Variants in HSD17B12 observed in about 807,000 individuals in gnomAD.
HSD17B12 encodes very-long-chain 3-oxoacyl-CoA reductase.
HSD17B12 carries 32 observed loss-of-function variants against 39.3 expected under a neutral mutation model. The ratio of observed to expected loss-of-function variants is 0.81; its 90% CI spans 0.61 to 1.09. The LOEUF (loss-of-function observed/expected upper bound fraction) is 1.09, where lower values mean the gene tolerates loss of function less well. HSD17B12 is among the 50% of genes least tolerant of loss of function. The pLI is 0.00. For missense variants in HSD17B12, 342 were observed against 382.9 expected (o/e 0.89, Z 0.89); for synonymous variants, 150 against 146.7 (o/e 1.02, Z -0.16).
intron 6 of HSD17B12, among the ~76,000 whole-genome samples, chr11:43,825,590 C>T (rs1951227149): frequency 6.6e-6 from 1 of 152,182 alleles, no homozygotes; most frequent in African/African-American, 2.4e-5. Flanking sequence ...GAGTAAAACC[C>T]TCACCACTAA....
intron 3 of HSD17B12, among the ~76,000 whole-genome samples, chr11:43,766,261 T>C (rs1445551832): frequency 6.6e-6 from 1 of 152,090 alleles, no homozygotes; most frequent in African/African-American, 2.4e-5. Context: ...CAGACTTGAC[T>C]GCTGGGCTCT....
rs1003131870 is a variant in HSD17B12 at position 43,688,842 on chromosome 11, C to T, written c.160+7855C>T. On this transcript the variant is annotated intron_variant, in intron 1 of 10. Transcript: ENST00000278353. ...CATTTTTTAGGGGGATGATACTTTT[C>T]GGGATTATTATGACAATTAAATGAG... Among the ~76,000 whole-genome samples, 13 of 152,144 alleles carry T rather than the reference C, an allele frequency of 8.5e-5. 1 individual carries two copies. In the South Asian group the frequency reaches 1.0e-3, roughly 12 times the overall value.
At chr11:43,732,341 G>A (rs772458633) in intron 1 of HSD17B12, among the ~76,000 whole-genome samples, 19 of 152,194 alleles carry the variant, frequency 1.2e-4, no homozygotes, top group African/African-American at 1.2e-4. Context: ...TATCAGCAGC[G>A]TGAGAGTGGA....
At chr11:43,759,003 C>T (rs7110437) in intron 3 of HSD17B12, among the ~76,000 whole-genome samples, 4 of 151,946 alleles carry the variant, frequency 2.6e-5, no homozygotes, top group African/African-American at 4.8e-5. Flanking sequence ...GATCAGGCAG[C>T]GCCCAGTCAG....
At chr11:43,823,164 G>A (rs1951199300) in intron 6 of HSD17B12, among the ~76,000 whole-genome samples, 1 of 152,122 alleles carries the variant, frequency 6.6e-6, no homozygotes. Flanking sequence ...ATTAAGGGTG[G>A]GTGTGGGTAG....
At chr11:43,675,643 C>T in the HSD17B12 span, among the ~76,000 whole-genome samples, 1 of 151,092 alleles carries the variant, frequency 6.6e-6, no homozygotes, top group African/African-American at 2.4e-5. Flanking sequence ...GCTACATGGA[C>T]AACAAACTCC....
chr11:43,621,268 A>G, the HSD17B12 span, among the ~76,000 whole-genome samples: 1 of 152,192 alleles, frequency 6.6e-6, no homozygotes, highest in African/African-American at 2.4e-5. Flanking sequence ...ACAGAAATGA[A>G]TATAAATAAG....
In HSD17B12 at chr11:43,702,650, T is replaced by A. The variant is rs1052279333; in HGVS notation, c.160+21663T>A. 2.9e-4 allele frequency among the ~76,000 whole-genome samples: 44 copies of A among 152,226 alleles called. 1 individual carries two copies. The highest frequency in any genetic ancestry group is 1.7e-3 in the Admixed American group (26 of 15,290). ...TTGATTTGTGTATGTTGAACCATCC[T>A]TGCATCCTAGGGATAAATCCCACTT... On this transcript the variant is annotated intron_variant, in intron 1 of 10. Coordinates refer to ENST00000278353, the MANE Select transcript of HSD17B12 (RefSeq NM_016142.3).
chr11:43,847,715 C>CAAAAAAAAAAAAAA (rs749195210), intron 9 of HSD17B12, among the ~76,000 whole-genome samples: 11 of 85,678 alleles, frequency 1.3e-4, no homozygotes, highest in African/African-American at 1.9e-4. Flanking sequence ...CTCTGCCTCA[C>CAAAAAAAAAAAAAA]AAAAAAAAAA....
the HSD17B12 span, among the ~76,000 whole-genome samples, chr11:43,557,149 T>C: frequency 1.3e-5 from 2 of 152,136 alleles, no homozygotes; most frequent in African/African-American, 4.8e-5. Context: ...TGTGTGGTTT[T>C]TGCAGGAGGC....
At chr11:43,630,696 A>G in the HSD17B12 span, among the ~76,000 whole-genome samples, 3 of 152,228 alleles carry the variant, frequency 2.0e-5, no homozygotes, top group Non-Finnish European at 4.4e-5. Context: ...TGAAGGGTAC[A>G]AAAGGATGAA....
chr11:43,834,032 A>G (rs1368908100), intron 7 of HSD17B12: 1 of 152,188 alleles, frequency 6.6e-6, no homozygotes, highest in Non-Finnish European at 1.5e-5. Context: ...TTAAGGTGGA[A>G]TTATGACATG....
chr11:43,659,521 G>A, the HSD17B12 span, among the ~76,000 whole-genome samples: 2 of 152,142 alleles, frequency 1.3e-5, no homozygotes, highest in African/African-American at 4.8e-5. Context: ...GATCCTATTC[G>A]GCCATCTTGG....
chr11:43,824,714 G>A (rs1045906079), intron 6 of HSD17B12, among the ~76,000 whole-genome samples: 16 of 152,352 alleles, frequency 1.1e-4, no homozygotes, highest in African/African-American at 3.6e-4. Flanking sequence ...GAGGGGTGGA[G>A]GTTGGGCGCA....
intron 4 of HSD17B12, among the ~76,000 whole-genome samples, chr11:43,803,827 A>G (rs546788438): frequency 6.6e-6 from 1 of 152,216 alleles, no homozygotes; most frequent in Non-Finnish European, 1.5e-5. Flanking sequence ...GCAAATGCCA[A>G]GAAATACAGA....
At chr11:43,706,931 C>T (rs1318083413) in intron 1 of HSD17B12, among the ~76,000 whole-genome samples, 1 of 151,996 alleles carries the variant, frequency 6.6e-6, no homozygotes, top group Non-Finnish European at 1.5e-5. Flanking sequence ...AAATTTTATG[C>T]CTCTTTTTCT....
the HSD17B12 span, among the ~76,000 whole-genome samples, chr11:43,633,468 G>A: frequency 4.6e-5 from 7 of 152,276 alleles, no homozygotes; most frequent in South Asian, 1.4e-3. Flanking sequence ...GGAGGCAGAG[G>A]TTGCAGTGAG....
chr11:43,728,274 C>T (rs557440399), intron 1 of HSD17B12, among the ~76,000 whole-genome samples: 16 of 152,122 alleles, frequency 1.1e-4, no homozygotes, highest in East Asian at 5.8e-4. Context: ...CCATGTTGGC[C>T]GGGCTGGTCA....
the HSD17B12 span, among the ~76,000 whole-genome samples, chr11:43,588,610 C>CTTATTAT: frequency 1.9e-4 from 27 of 144,982 alleles, no homozygotes; most frequent in Non-Finnish European, 3.0e-4. Context: ...TTATTATTAG[C>CTTATTAT]TATTATTATT....
Sources: gnomAD v4.1 joint callset for allele counts (sites outside exome capture counted in the v4.1 genomes callset) on GRCh38, gnomAD v4.1.1 for gene constraint, MANE v1.5 for transcripts, NCBI Gene and HGNC (gene_info 2026-07-23, HGNC 2026-07-21) for gene names.